KCNK2: variants seen among roughly 807,000 people sequenced by gnomAD.
The protein encoded by KCNK2 is potassium two pore domain channel subfamily K member 2.
A neutral mutation model predicts 40.5 loss-of-function variants in KCNK2; 21 were observed. That is an observed-to-expected ratio of 0.52 (90% CI 0.37 to 0.75). The LOEUF (loss-of-function observed/expected upper bound fraction) is 0.75, where lower values mean the gene tolerates loss of function less well. Ranked by LOEUF, KCNK2 falls within the 30% of genes least tolerant of loss-of-function variation. The pLI, the probability that KCNK2 is intolerant of heterozygous loss-of-function variation, is 0.00. For missense variants in KCNK2, 399 were observed against 531.6 expected (o/e 0.75, Z 2.45); for synonymous variants, 191 against 202.2 (o/e 0.94, Z 0.47).
At chr1:215,064,736 G>T (rs888907778) in intron 1 of KCNK2, among the ~76,000 whole-genome samples, 1 of 152,126 alleles carries the variant, frequency 6.6e-6, no homozygotes, top group South Asian at 2.1e-4. Context: ...TTTCTTTAAC[G>T]TCAAGGCCAA....
At chr1:215,222,887 G>T (rs578079645) in intron 6 of KCNK2, among the ~76,000 whole-genome samples, 1 of 152,188 alleles carries the variant, frequency 6.6e-6, no homozygotes, top group East Asian at 1.9e-4. Context: ...CGCTGAAATT[G>T]GAATGCAAAG....
chr1:215,140,201 A>G (rs1333334009), intron 3 of KCNK2, among the ~76,000 whole-genome samples: 1 of 152,194 alleles, frequency 6.6e-6, no homozygotes, highest in Non-Finnish European at 1.5e-5. Flanking sequence ...TACAGTGGCT[A>G]CTAGTTATAC....
intron 3 of KCNK2, among the ~76,000 whole-genome samples, chr1:215,153,580 AT>A (rs35617434): frequency 1.8e-4 from 19 of 104,966 alleles, no homozygotes; most frequent in East Asian, 8.5e-4. Flanking sequence ...ATATATATAT[AT>A]TTTTTTTTCT....
At chr1:215,209,492 TA>T (rs1326940967) in intron 6 of KCNK2, among the ~76,000 whole-genome samples, 9 of 24,896 alleles carry the variant, frequency 3.6e-4, no homozygotes, top group Non-Finnish European at 5.7e-4. Context: ...ATAATACATA[TA>T]TATAATATAT....
intron 3 of KCNK2, among the ~76,000 whole-genome samples, chr1:215,168,580 T>A (rs1043345018): frequency 3.9e-5 from 6 of 152,118 alleles, no homozygotes; most frequent in African/African-American, 1.4e-4. Flanking sequence ...GGAAGCCATC[T>A]GCCTCAGCAA....
intron 6 of KCNK2, among the ~76,000 whole-genome samples, chr1:215,210,563 G>A (rs1369575184): frequency 1.3e-5 from 2 of 152,016 alleles, no homozygotes; most frequent in Non-Finnish European, 2.9e-5. Flanking sequence ...AGTACTCATT[G>A]ATTTGTTTGT....
intron 1 of KCNK2, among the ~76,000 whole-genome samples, chr1:215,032,330 C>G (rs1297245251): frequency 6.6e-6 from 1 of 151,964 alleles, no homozygotes; most frequent in Non-Finnish European, 1.5e-5. Flanking sequence ...AATCGCTGGG[C>G]TCAGTAGTTC....
chr1:215,052,898 G>A (rs926106945), intron 1 of KCNK2, among the ~76,000 whole-genome samples: 10 of 152,080 alleles, frequency 6.6e-5, no homozygotes, highest in African/African-American at 2.4e-4. Context: ...TATTTCTCTT[G>A]AGTTTTTGCC....
At chr1:215,061,932 CT>C (rs1658375004) in intron 1 of KCNK2, among the ~76,000 whole-genome samples, 1 of 151,924 alleles carries the variant, frequency 6.6e-6, no homozygotes, top group Admixed American at 6.6e-5. Flanking sequence ...ATTTGTTTTA[CT>C]TTTAAAAGGA....
intron 3 of KCNK2, 76 bp downstream of exon 3, chr1:215,124,826 A>G (rs1661346240): frequency 8.0e-6 from 7 of 870,308 alleles, no homozygotes; most frequent in East Asian, 2.4e-5. Flanking sequence ...AATTTTTTGT[A>G]TAGTTGGGCA....
At chr1:215,193,995 C>G (rs1664767447) in intron 5 of KCNK2, among the ~76,000 whole-genome samples, 1 of 71,362 alleles carries the variant, frequency 1.4e-5, no homozygotes, top group African/African-American at 3.8e-5. Flanking sequence ...TCTATGTCCT[C>G]TCATAGTACT....
At chr1:215,177,740 A>ATGTGTATATATATATATATATATT (rs71167812) in intron 5 of KCNK2, among the ~76,000 whole-genome samples, 121 of 101,560 alleles carry the variant, frequency 1.2e-3, no homozygotes, top group African/African-American at 4.1e-3. Flanking sequence ...ATATATATAT[A>ATGTGTATATATATATATATATATT]TTTTTTTTTT....
intron 3 of KCNK2, among the ~76,000 whole-genome samples, chr1:215,141,226 C>A (rs1388723400): frequency 6.6e-6 from 1 of 152,012 alleles, no homozygotes; most frequent in Non-Finnish European, 1.5e-5. Flanking sequence ...GGAGTACAAT[C>A]TAAAATAATA....
intron 1 of KCNK2, among the ~76,000 whole-genome samples, chr1:215,010,762 C>T (rs1656346918): frequency 6.6e-6 from 1 of 151,280 alleles, no homozygotes; most frequent in Non-Finnish European, 1.5e-5. Context: ...CACTTCTTTT[C>T]CTTCATGTTT....
chr1:215,177,099 G>GT (rs938234723), intron 5 of KCNK2, among the ~76,000 whole-genome samples: 6 of 151,882 alleles, frequency 4.0e-5, no homozygotes, highest in African/African-American at 9.7e-5. Flanking sequence ...CTGATGTTGA[G>GT]TTTTTTTTCA....
At chr1:215,216,972 C>CT (rs1358654085) in intron 6 of KCNK2, among the ~76,000 whole-genome samples, 2 of 152,162 alleles carry the variant, frequency 1.3e-5, no homozygotes, top group Admixed American at 1.3e-4. Flanking sequence ...TGTTTCTCCT[C>CT]CTAGAAACGT....
intron 1 of KCNK2, among the ~76,000 whole-genome samples, chr1:215,020,245 T>C (rs1273196494): frequency 1.3e-5 from 2 of 152,176 alleles, no homozygotes; most frequent in Non-Finnish European, 2.9e-5. Flanking sequence ...TGAATAAATG[T>C]ATCAAGCTTA....
At chr1:215,214,518 G>A (rs1665879525) in intron 6 of KCNK2, among the ~76,000 whole-genome samples, 1 of 152,086 alleles carries the variant, frequency 6.6e-6, no homozygotes, top group Non-Finnish European at 1.5e-5. Context: ...CAGGTAGCTG[G>A]GTATGTTGTC....
At chr1:215,044,127 A>G (rs1657661947) in intron 1 of KCNK2, among the ~76,000 whole-genome samples, 1 of 152,206 alleles carries the variant, frequency 6.6e-6, no homozygotes, top group Non-Finnish European at 1.5e-5. Context: ...AGTACAATAA[A>G]TTAATGAATA....
Sources: gnomAD v4.1 joint callset for allele counts (sites outside exome capture counted in the v4.1 genomes callset) on GRCh38, gnomAD v4.1.1 for gene constraint, MANE v1.5 for transcripts, NCBI Gene and HGNC (gene_info 2026-07-23, HGNC 2026-07-21) for gene names.